The following PADI2 variants were observed in gnomAD, a reference collection of about 807,000 sequenced individuals.
PADI2 encodes peptidyl arginine deiminase 2.
Under a neutral mutation model 81.1 loss-of-function variants are expected in PADI2, and 70 were observed. That is an observed-to-expected ratio of 0.86 (90% CI 0.71 to 1.05). The LOEUF (loss-of-function observed/expected upper bound fraction) is 1.05, where lower values mean the gene tolerates loss of function less well. Ranked by LOEUF, PADI2 falls within the 50% of genes least tolerant of loss-of-function variation. The pLI is 0.00. For missense variants in PADI2, 853 were observed against 889.9 expected (o/e 0.96, Z 0.53); for synonymous variants, 338 against 358.0 (o/e 0.94, Z 0.63).
chr1:17,099,771 T>G (rs1319184487), intron 3 of PADI2, among the ~76,000 whole-genome samples: 1 of 152,206 alleles, frequency 6.6e-6, no homozygotes, highest in Non-Finnish European at 1.5e-5. Context: ...GCCGGGCCCT[T>G]CGCACACAAC....
chr1:17,096,970 C>T (rs1378406748), intron 3 of PADI2, among the ~76,000 whole-genome samples: 2 of 152,218 alleles, frequency 1.3e-5, no homozygotes, highest in African/African-American at 4.8e-5. Flanking sequence ...CCAGTAACAT[C>T]CCTCCCAGTC....
intron 14 of PADI2, among the ~76,000 whole-genome samples, 197 bp downstream of exon 14, chr1:17,071,209 A>C (rs2016693): frequency 0.6 from 90,944 of 151,982 alleles, 27,625 homozygotes; most frequent in Middle Eastern, 0.7. Context: ...GCACTTCTTT[A>C]ACCCTGGGAC....
intron 1 of PADI2, among the ~76,000 whole-genome samples, chr1:17,111,984 C>T (rs1021333023): frequency 6.6e-6 from 1 of 152,040 alleles, no homozygotes; most frequent in South Asian, 2.1e-4. Context: ...AGCTGGCCTT[C>T]CTCTGATTGT....
At chr1:17,093,757 T>G (rs1295267583) in intron 4 of PADI2, 73 bp from the exon 5 acceptor site, 25 of 909,584 alleles carry the variant, frequency 2.7e-5, no homozygotes, top group Non-Finnish European at 4.1e-5. Context: ...ACTGGAGAGA[T>G]AGCCCCAGGA....
intron 11 of PADI2, 148 bp from the exon 12 acceptor site, chr1:17,075,971 C>G: frequency 7.0e-6 from 5 of 713,072 alleles, no homozygotes; most frequent in Non-Finnish European, 1.2e-5. Context: ...GTTAAGAGAC[C>G]CTGGCGCAGG....
In PADI2 at chr1:17,071,405, C is replaced by T; in HGVS notation, c.1635+1G>A. 3 of 1,611,902 alleles carry T rather than the reference C, an allele frequency of 1.9e-6. No homozygotes were observed. Among genetic ancestry groups the T allele is most frequent in the Middle Eastern group, 1.7e-4 (1 of 5,978 alleles). The stretch of plus-strand genomic sequence containing the variant: ...GCCCTGCACCCCTGCCCTGCCCTCA[C>T]CTGGAAGTACAGGTTCTCCTGCACA... On this transcript the variant is annotated splice_donor_variant, in intron 14 of 15. Coordinates refer to ENST00000375486, the MANE Select transcript of PADI2 (RefSeq NM_007365.3). LOFTEE classifies it high-confidence loss of function.
chr1:17,070,298 C>A, intron 14 of PADI2, 82 bp from the exon 15 acceptor site: 1 of 1,570,054 alleles, frequency 6.4e-7, no homozygotes, highest in Non-Finnish European at 8.7e-7. Context: ...CTGTCTGCAG[C>A]ACCAGGCCAG....
chr1:17,086,466 G>C, intron 7 of PADI2, 55 bp downstream of exon 7: 1 of 1,458,060 alleles, frequency 6.9e-7, no homozygotes, highest in African/African-American at 1.4e-5. Flanking sequence ...ACTAGTAGGA[G>C]ACCCACCCTG....
intron 14 of PADI2, among the ~76,000 whole-genome samples, chr1:17,070,975 A>AT (rs747153164): frequency 9.6e-4 from 146 of 151,794 alleles, no homozygotes; most frequent in Non-Finnish European, 1.8e-3. Flanking sequence ...GTTTTTATTT[A>AT]TTTTTTTTGT....
rs752481917 is a variant in PADI2, at chr1:17,119,344, G to A, written c.28C>T (p.Gln10Ter). ...ACCGCCTCCACGCGGCTCCCGTACT[G>A]CAGCCGCACGGTCCGCTCGCGCAGC... MLRERTVRL[Q>*]YGSRVEAVYV... The change falls in exon 1 of 16, where the codon CAG (glutamine) becomes TAG (stop). Residue 10 changes from glutamine (Q) to a stop codon, truncating the protein, a stop_gained. Coordinates refer to ENST00000375486, the MANE Select transcript of PADI2 (RefSeq NM_007365.3). LOFTEE classifies it high-confidence loss of function. The surrounding 1 kb of genome is among the most constrained non-coding windows in gnomAD (Gnocchi z 4.8). 5 of 1,547,356 alleles carry A rather than the reference G, an allele frequency of 3.2e-6. No individual in the cohort carries two copies. The African/African-American group carries it at 5.6e-5, about 17-fold the overall frequency.
At position 17,093,999 on chromosome 1, in the gene PADI2, A is replaced by G. The variant is rs117576241; in HGVS notation, c.412-315T>C. Among the ~76,000 whole-genome samples the G allele has an allele frequency of 5.7e-4, 87 of 152,206 alleles. No individual in the cohort carries two copies. The East Asian group carries it at 0.016, about 28-fold the overall frequency. Reference sequence around the variant, plus strand: ...TGGCCAGAGAAATGAGCAGACAGACATTCTACCATGGGTCCCTAGGTCCCT... The same window carrying G: ...TGGCCAGAGAAATGAGCAGACAGACGTTCTACCATGGGTCCCTAGGTCCCT... On this transcript the variant is annotated intron_variant, in intron 4 of 15. Transcript: ENST00000375486.
In PADI2 at chr1:17,069,283, A is replaced by G; in HGVS notation, c.1765-6T>C. 1 of 1,610,380 alleles carries G rather than the reference A, an allele frequency of 6.2e-7. No individual in the cohort carries two copies. ...TCCAGCACGATCATGTTCACCTGTGACGGGGGATTGCGATGGCAACAGCTT... is the reference window on the plus strand; with the variant it reads ...TCCAGCACGATCATGTTCACCTGTGGCGGGGGATTGCGATGGCAACAGCTT... On this transcript the variant is annotated splice_polypyrimidine_tract_variant and splice_region_variant and intron_variant, in intron 15 of 15. Coordinates refer to ENST00000375486, the MANE Select transcript of PADI2 (RefSeq NM_007365.3).
At chr1:17,083,518 T>G in intron 9 of PADI2, 1 of 563,306 alleles carries the variant, frequency 1.8e-6, no homozygotes, top group South Asian at 2.3e-5. Flanking sequence ...GATGGACATT[T>G]AGGTTGCTTT....
intron 6 of PADI2, among the ~76,000 whole-genome samples, chr1:17,089,348 C>T (rs773104681): frequency 3.9e-5 from 6 of 152,244 alleles, no homozygotes; most frequent in Non-Finnish European, 8.8e-5. Flanking sequence ...TCCAGGCACT[C>T]GGGCCCTCCC....
At position 17,075,834 on chromosome 1, in the gene PADI2, G is replaced by C. The variant is rs545772896; in HGVS notation, c.1311-11C>G. ...CTCCGACCACCAGACCTGGAGAAGG[G>C]AGGAAGAGGAGTTTCAGCAAATTAC... On this transcript the variant is annotated splice_polypyrimidine_tract_variant and intron_variant, in intron 11 of 15. Coordinates refer to ENST00000375486, the MANE Select transcript of PADI2 (RefSeq NM_007365.3). 8 of 1,612,726 alleles carry C rather than the reference G, an allele frequency of 5.0e-6. No individual in the cohort carries two copies. In the East Asian group the frequency reaches 1.3e-4, roughly 27 times the overall value.
chr1:17,072,351 G>A lies in PADI2; in HGVS notation c.1550-860C>T, dbSNP rs148924759. Among the ~76,000 whole-genome samples the A allele has an allele frequency of 3.0e-4, 46 of 152,328 alleles. No individual in the cohort carries two copies. In the East Asian group the frequency reaches 5.6e-3, roughly 19 times the overall value. ...TCTTTGAGGCTTAGGGACTCAGAAG[G>A]GAGGGTCCAGGTAGAAACAGAAAAC... On this transcript the variant is annotated intron_variant, in intron 13 of 15. Coordinates refer to ENST00000375486, the MANE Select transcript of PADI2 (RefSeq NM_007365.3).
In PADI2 at chr1:17,104,866, C is replaced by A; in HGVS notation, c.276+12G>T. ...CCCGGGCCCGCAGAGGCTGGACTTC[C>A]CGCCGTGGTACCTTGTCACTGCTGG... On this transcript the variant is annotated intron_variant, in intron 2 of 15. Coordinates refer to ENST00000375486, the MANE Select transcript of PADI2 (RefSeq NM_007365.3). 6.4e-7 allele frequency: 1 copy of A among 1,554,532 alleles called. No individual in the cohort carries two copies. The highest frequency in any genetic ancestry group is 1.2e-5 in the South Asian group (1 of 86,870).
chr1:17,075,865 G>A (rs372987342), intron 11 of PADI2, 42 bp from the exon 12 acceptor site: 48 of 1,590,608 alleles, frequency 3.0e-5, no homozygotes, highest in South Asian at 2.8e-4. Flanking sequence ...ATTACCCACC[G>A]CACCAGAGGG....
rs1239913647 is a variant in PADI2 at position 17,119,129 on chromosome 1, TG to T, written c.92+150del. The T allele has an allele frequency of 3.5e-6, 2 of 572,994 alleles. No individual in the cohort carries two copies. The highest frequency in any genetic ancestry group is 4.0e-5 in the African/African-American group (2 of 49,930). 35.5% of individuals were successfully genotyped at this position (572,994 alleles called of 1,614,324 possible). ...CAAGGTTCGGGGGTTGTCAGGTTTCTGGATGAGATTCTTAGGATTTCTGGGC... is the reference window on the plus strand; with the variant it reads ...CAAGGTTCGGGGGTTGTCAGGTTTCTGATGAGATTCTTAGGATTTCTGGGC... On this transcript the variant is annotated intron_variant, in intron 1 of 15. Coordinates refer to ENST00000375486, the MANE Select transcript of PADI2 (RefSeq NM_007365.3). This position sits in a 1 kb window ranked among gnomAD's most constrained non-coding sequence, Gnocchi z 4.8.
Sources: allele counts gnomAD v4.1 joint callset (sites outside exome capture counted in the v4.1 genomes callset), GRCh38; gene constraint gnomAD v4.1.1; non-coding constraint Gnocchi (gnomAD v3.1); transcripts MANE v1.5; gene names NCBI Gene and HGNC (gene_info 2026-07-23, HGNC 2026-07-21).